CAMK4: variants seen among roughly 807,000 people sequenced by gnomAD.
CAMK4 encodes calcium/calmodulin-dependent protein kinase type IV.
CAMK4 carries 22 observed loss-of-function variants against 44.9 expected under a neutral mutation model. The ratio of observed to expected loss-of-function variants is 0.49; its 90% CI spans 0.35 to 0.70. The LOEUF (loss-of-function observed/expected upper bound fraction) is 0.70. Ranked by LOEUF, CAMK4 falls within the 30% of genes least tolerant of loss-of-function variation. CAMK4 has a pLI of 0.01. For missense variants in CAMK4, 498 were observed against 586.8 expected, an observed-to-expected ratio of 0.85 and a Z score of 1.56; for synonymous variants, 218 against 215.4, an observed-to-expected ratio of 1.01 and a Z score of -0.11.
Position 111,490,854 on chromosome 5 carries a change from ATAG to A in CAMK4, c.*6393_*6395del, listed in dbSNP as rs1326345548. The A allele has an allele frequency of 1.3e-5, 2 of 152,202 alleles. No homozygotes were observed. Among genetic ancestry groups the A allele is most frequent in the Non-Finnish European group, 2.9e-5 (2 of 68,036 alleles). The allele number at this position is 152,202 out of a possible 1,614,324, so 9.4% of individuals were successfully genotyped here. ...TAAGGAGTTAGGCCTAAACATAGTA[ATAG>A]TAGTCCATTCCATGTCCAACAGATG... is the stretch of plus-strand genomic sequence containing the variant. On this transcript the variant is annotated 3_prime_UTR_variant, in exon 11 of 11. Coordinates refer to ENST00000282356, the MANE Select transcript of CAMK4 (RefSeq NM_001744.6).
rs1049796328 is a variant in CAMK4 at position 111,268,868 on chromosome 5, C to G, written c.161+44224C>G. Among the ~76,000 whole-genome samples the G allele has an allele frequency of 7.9e-5, 12 of 152,048 alleles. No individual in the cohort carries two copies. In the South Asian group the frequency reaches 1.2e-3, roughly 16 times the overall value. On this transcript the variant is annotated intron_variant, in intron 1 of 10. Coordinates refer to ENST00000282356, the MANE Select transcript of CAMK4 (RefSeq NM_001744.6). ...TGTAGGAAAAATGGGATTAAGGGAACATAAAGATCTATTGAAAAGGAAAGA... is the reference window on the plus strand; with the variant it reads ...TGTAGGAAAAATGGGATTAAGGGAAGATAAAGATCTATTGAAAAGGAAAGA...
At chr5:111,332,895 C>A (rs987664731) in intron 1 of CAMK4, among the ~76,000 whole-genome samples, 2 of 151,440 alleles carry the variant, frequency 1.3e-5, no homozygotes. Context: ...AGTTAAAAAC[C>A]GAAATGTCCA....
rs1755601773 is a variant in CAMK4 at position 111,485,953 on chromosome 5, A to G, written c.*1487A>G. ...TTGGTGGGTTTTCTCAATTTTAAAAAAGAATTCATTTTAAAAAATAATTAT... is the reference window on the plus strand; with the variant it reads ...TTGGTGGGTTTTCTCAATTTTAAAAGAGAATTCATTTTAAAAAATAATTAT... On this transcript the variant is annotated 3_prime_UTR_variant, in exon 11 of 11. Coordinates refer to ENST00000282356, the MANE Select transcript of CAMK4 (RefSeq NM_001744.6). The G allele has an allele frequency of 6.6e-6, 1 of 152,220 alleles. No individual in the cohort carries two copies. The highest frequency in any genetic ancestry group is 6.5e-5 in the Admixed American group (1 of 15,280). 9.4% of individuals were successfully genotyped at this position (152,220 alleles called of 1,614,324 possible).
chr5:111,232,232 G>T (rs1404943190), intron 1 of CAMK4, among the ~76,000 whole-genome samples: 2 of 151,932 alleles, frequency 1.3e-5, no homozygotes, highest in African/African-American at 4.8e-5. Context: ...TACTAATAAG[G>T]CACCAACAAT....
chr5:111,277,831 G>T (rs1258222640), intron 1 of CAMK4, among the ~76,000 whole-genome samples: 1 of 151,930 alleles, frequency 6.6e-6, no homozygotes, highest in Non-Finnish European at 1.5e-5. Context: ...CTTCTTAATG[G>T]TGAGAATCTA....
At chr5:111,309,163 G>T (rs1425597267) in intron 1 of CAMK4, among the ~76,000 whole-genome samples, 1 of 152,210 alleles carries the variant, frequency 6.6e-6, no homozygotes, top group Non-Finnish European at 1.5e-5. Context: ...CACCCTGAGG[G>T]CACATCGCTT....
chr5:111,242,892 G>A (rs1367860552), intron 1 of CAMK4, among the ~76,000 whole-genome samples: 1 of 151,922 alleles, frequency 6.6e-6, no homozygotes, highest in Non-Finnish European at 1.5e-5. Flanking sequence ...TTCTGATTCA[G>A]GATAGTGCAG....
chr5:111,321,982 G>C (rs559321643), intron 1 of CAMK4, among the ~76,000 whole-genome samples: 1 of 152,088 alleles, frequency 6.6e-6, no homozygotes, highest in Admixed American at 6.6e-5. Context: ...AATTCAATAA[G>C]GTGATAAAAA....
At chr5:111,228,098 G>T (rs1441795470) in intron 1 of CAMK4, among the ~76,000 whole-genome samples, 1 of 152,154 alleles carries the variant, frequency 6.6e-6, no homozygotes, top group African/African-American at 2.4e-5. Flanking sequence ...CCCATGTCCT[G>T]TTTTCAGTTG....
intron 5 of CAMK4, among the ~76,000 whole-genome samples, chr5:111,426,460 G>T (rs1035611489): frequency 6.6e-6 from 1 of 152,066 alleles, no homozygotes; most frequent in East Asian, 1.9e-4. Context: ...AGAGAAAGAT[G>T]GTGCACCGAT....
chr5:111,356,896 A>G (rs1461547945), intron 2 of CAMK4, among the ~76,000 whole-genome samples: 2 of 152,020 alleles, frequency 1.3e-5, no homozygotes, highest in Non-Finnish European at 2.9e-5. Context: ...TGCCTTTTAG[A>G]AAACAAACAC....
chr5:111,460,066 G>A (rs1418479610), intron 7 of CAMK4, among the ~76,000 whole-genome samples: 1 of 152,030 alleles, frequency 6.6e-6, no homozygotes, highest in Non-Finnish European at 1.5e-5. Flanking sequence ...TTGATAGCAA[G>A]TGGGTAGAAG....
intron 1 of CAMK4, among the ~76,000 whole-genome samples, chr5:111,296,523 A>G (rs930964590): frequency 6.6e-6 from 1 of 152,222 alleles, no homozygotes. Context: ...CATTTATTTA[A>G]ATTTGCATTT....
In CAMK4 at chr5:111,266,340, C is replaced by T. The variant is rs80291591; in HGVS notation, c.161+41696C>T. On this transcript the variant is annotated intron_variant, in intron 1 of 10. Coordinates refer to ENST00000282356, the MANE Select transcript of CAMK4 (RefSeq NM_001744.6). Reference sequence around the variant, plus strand: ...TCCCTCTTCAACCCAGCCCTTTTCACTTTCACATTCATGAATTCTTTCTTT... The same window carrying T: ...TCCCTCTTCAACCCAGCCCTTTTCATTTTCACATTCATGAATTCTTTCTTT... 4.3e-4 allele frequency among the ~76,000 whole-genome samples: 65 copies of T among 152,274 alleles called. 1 individual carries two copies. The East Asian group carries it at 8.5e-3, about 20-fold the overall frequency.
intron 1 of CAMK4, among the ~76,000 whole-genome samples, chr5:111,332,846 C>G (rs1417711529): frequency 2.6e-5 from 4 of 151,526 alleles, no homozygotes; most frequent in Non-Finnish European, 5.9e-5. Flanking sequence ...TGTGGAAAAA[C>G]TTAGAAGAAA....
intron 5 of CAMK4, among the ~76,000 whole-genome samples, chr5:111,426,035 A>G (rs1315699960): frequency 1.3e-5 from 2 of 152,192 alleles, no homozygotes; most frequent in Non-Finnish European, 2.9e-5. Context: ...AATCATTAAT[A>G]TATCTTATAT....
intron 5 of CAMK4, among the ~76,000 whole-genome samples, chr5:111,437,740 A>C (rs1465515783): frequency 6.6e-6 from 1 of 152,164 alleles, no homozygotes; most frequent in East Asian, 1.9e-4. Flanking sequence ...GGATTTTGAA[A>C]AACTGAGAGA....
Position 111,484,004 on chromosome 5 carries a change from A to G in CAMK4, c.982-22A>G, listed in dbSNP as rs1174471473. The G allele has an allele frequency of 3.9e-6, 6 of 1,533,218 alleles. No homozygotes were observed. The highest frequency in any genetic ancestry group is 1.3e-5 in the South Asian group (1 of 77,684). The allele number at this position is 1,533,218 out of a possible 1,614,324, so 95.0% of individuals were successfully genotyped here. A position where few individuals can be genotyped will look rare whatever the true frequency, so the allele number is the denominator to read the frequency against. On this transcript the variant is annotated intron_variant, in intron 10 of 10. Transcript: ENST00000282356. The surrounding 1 kb of genome is among the most constrained non-coding windows in gnomAD (Gnocchi z 5.3). ...GGTGTTAAAGCAGAGGTAACACTTG[A>G]CACTCTTCTGTTTCCAATCAGGCAG...
intron 5 of CAMK4, among the ~76,000 whole-genome samples, chr5:111,406,591 C>A (rs2112885967): frequency 6.6e-6 from 1 of 152,026 alleles, no homozygotes; most frequent in Non-Finnish European, 1.5e-5. Flanking sequence ...AATTAAAGAA[C>A]AATAAAAATA....
Sources: gnomAD v4.1 joint callset for allele counts (sites outside exome capture counted in the v4.1 genomes callset) on GRCh38, gnomAD v4.1.1 for gene constraint, Gnocchi (gnomAD v3.1) non-coding constraint, MANE v1.5 for transcripts, NCBI Gene and HGNC (gene_info 2026-07-23, HGNC 2026-07-21) for gene names.